EPHA3: variants seen among roughly 807,000 people sequenced by gnomAD.
EPHA3 encodes the protein EPH receptor A3.
EPHA3 carries 42 observed loss-of-function variants against 107.1 expected under a neutral mutation model. The ratio of observed to expected loss-of-function variants is 0.39; its 90% confidence interval spans 0.31 to 0.51. EPHA3 has a LOEUF of 0.51. EPHA3 is among the 20% of genes least tolerant of loss of function. The pLI, the probability that EPHA3 is intolerant of heterozygous loss-of-function variation, is 0.78. For missense variants in EPHA3, 1,183 were observed against 1,211.2 expected, an observed-to-expected ratio of 0.98 and a Z score of 0.35; for synonymous variants, 461 against 424.8, an observed-to-expected ratio of 1.09 and a Z score of -1.05.
chr3:89,312,654 G>A (rs371999846), intron 3 of EPHA3, among the ~76,000 whole-genome samples: 1 of 151,836 alleles, frequency 6.6e-6, no homozygotes, highest in African/African-American at 2.4e-5. Context: ...TATCATGGGA[G>A]TTTGTTGAAC....
intron 3 of EPHA3, among the ~76,000 whole-genome samples, chr3:89,335,031 A>G (rs1707363746): frequency 6.6e-6 from 1 of 152,234 alleles, no homozygotes; most frequent in South Asian, 2.1e-4. Context: ...CATTTATAAA[A>G]TAACCATGAT....
intron 3 of EPHA3, among the ~76,000 whole-genome samples, chr3:89,233,587 G>A (rs1336991007): frequency 6.6e-6 from 1 of 152,160 alleles, no homozygotes; most frequent in African/African-American, 2.4e-5. Context: ...CTGAATTGCT[G>A]TTGGTTTGAA....
intron 15 of EPHA3, among the ~76,000 whole-genome samples, chr3:89,452,038 G>A (rs1469509748): frequency 3.3e-5 from 5 of 151,970 alleles, no homozygotes; most frequent in Admixed American, 3.3e-4. Flanking sequence ...TAAAATCAAT[G>A]CCCCTGAAAT....
intron 2 of EPHA3, among the ~76,000 whole-genome samples, chr3:89,137,236 T>A (rs1488323148): frequency 6.6e-6 from 1 of 151,916 alleles, no homozygotes; most frequent in Non-Finnish European, 1.5e-5. Flanking sequence ...AATGTTCTTT[T>A]GTATGAAGGA....
chr3:89,137,410 A>G (rs1704336472), intron 2 of EPHA3, among the ~76,000 whole-genome samples: 1 of 151,990 alleles, frequency 6.6e-6, no homozygotes, highest in African/African-American at 2.4e-5. Flanking sequence ...TAGGCTTATT[A>G]CACTCTGGTG....
At chr3:89,141,768 T>C (rs1235279405) in intron 2 of EPHA3, among the ~76,000 whole-genome samples, 3 of 151,560 alleles carry the variant, frequency 2.0e-5, no homozygotes, top group Non-Finnish European at 4.4e-5. Flanking sequence ...TAGGTGTGAA[T>C]ATATCTATGT....
At chr3:89,238,479 C>A (rs1413086981) in intron 3 of EPHA3, among the ~76,000 whole-genome samples, 1 of 152,198 alleles carries the variant, frequency 6.6e-6, no homozygotes, top group East Asian at 1.9e-4. Context: ...TATGCCTCTG[C>A]TGTTAGAACC....
chr3:89,151,505 G>A (rs1704689534), intron 2 of EPHA3, among the ~76,000 whole-genome samples: 2 of 152,042 alleles, frequency 1.3e-5, no homozygotes, highest in Non-Finnish European at 2.9e-5. Flanking sequence ...ATTAGAATGA[G>A]AGCTATGACT....
rs747120932 is a variant in EPHA3 at position 89,449,210 on chromosome 3, A to C, written c.2347-15A>C. 1 of 1,597,642 alleles carries C rather than the reference A, an allele frequency of 6.3e-7. No homozygotes were observed. On this transcript the variant is annotated splice_polypyrimidine_tract_variant and intron_variant, in intron 13 of 16. Transcript: ENST00000336596. ...TGCATTGCTGATTTATGTAGACATGATTTTATATTCAAAGGGAGGGAAGAT... is the reference window on the plus strand; with the variant it reads ...TGCATTGCTGATTTATGTAGACATGCTTTTATATTCAAAGGGAGGGAAGAT...
At chr3:89,384,226 G>A (rs1708568747) in intron 5 of EPHA3, among the ~76,000 whole-genome samples, 1 of 151,820 alleles carries the variant, frequency 6.6e-6, no homozygotes, top group Non-Finnish European at 1.5e-5. Flanking sequence ...TAATTTTGTG[G>A]AAACCAGTGA....
At chr3:89,273,241 C>T (rs1189761700) in intron 3 of EPHA3, among the ~76,000 whole-genome samples, 1 of 151,822 alleles carries the variant, frequency 6.6e-6, no homozygotes. Flanking sequence ...TATGGAAATG[C>T]TTGTAAATAC....
chr3:89,373,921 G>A lies in EPHA3; in HGVS notation c.1307-21916G>A, dbSNP rs1051329485. On this transcript the variant is annotated intron_variant, in intron 5 of 16. Coordinates refer to ENST00000336596, the MANE Select transcript of EPHA3 (RefSeq NM_005233.6). ...CTAAGTACTAGAATTTAACTCTAAG[G>A]GTCAAATAGAGTCCATTTGGTCTGA... 2.6e-5 allele frequency among the ~76,000 whole-genome samples: 4 copies of A among 151,674 alleles called. No individual in the cohort carries two copies. In the East Asian group the frequency reaches 7.8e-4, roughly 29 times the overall value.
At chr3:89,200,158 A>G (rs1240167790) in intron 2 of EPHA3, among the ~76,000 whole-genome samples, 1 of 152,230 alleles carries the variant, frequency 6.6e-6, no homozygotes, top group Non-Finnish European at 1.5e-5. Context: ...ACAATATTCA[A>G]TAAACAAAAA....
chr3:89,298,367 G>T (rs528679510), intron 3 of EPHA3, among the ~76,000 whole-genome samples: 2 of 152,218 alleles, frequency 1.3e-5, no homozygotes, highest in African/African-American at 4.8e-5. Flanking sequence ...TAAAACCCAA[G>T]AATTTTCTGA....
At chr3:89,314,975 G>A (rs1188770780) in intron 3 of EPHA3, among the ~76,000 whole-genome samples, 1 of 151,682 alleles carries the variant, frequency 6.6e-6, no homozygotes, top group Non-Finnish European at 1.5e-5. Flanking sequence ...TTGCTCCTAG[G>A]CTACAAATCT....
At position 89,431,853 on chromosome 3, in the gene EPHA3, G is replaced by A. The variant is rs79966033; in HGVS notation, c.2346+494G>A. Among the ~76,000 whole-genome samples, 211 of 152,166 alleles carry A rather than the reference G, an allele frequency of 1.4e-3. 9 individuals carry two copies. The East Asian group carries it at 0.038, about 28-fold the overall frequency. ...ACAGACAACATTTATAAGATTGTGA[G>A]TCAATTCTTACAAATTTTTCTTCAT... On this transcript the variant is annotated intron_variant, in intron 13 of 16. Coordinates refer to ENST00000336596, the MANE Select transcript of EPHA3 (RefSeq NM_005233.6).
At chr3:89,237,608 C>T (rs1704797678) in intron 3 of EPHA3, among the ~76,000 whole-genome samples, 1 of 151,940 alleles carries the variant, frequency 6.6e-6, no homozygotes, top group Non-Finnish European at 1.5e-5. Context: ...CTGTTGATAT[C>T]CAAGAATAAC....
At chr3:89,203,875 C>G (rs557202272) in intron 2 of EPHA3, among the ~76,000 whole-genome samples, 2 of 152,208 alleles carry the variant, frequency 1.3e-5, no homozygotes, top group African/African-American at 4.8e-5. Context: ...TTCTCTCAGT[C>G]TAGGGGTATT....
intron 2 of EPHA3, among the ~76,000 whole-genome samples, chr3:89,129,554 T>A (rs1704158912): frequency 6.6e-6 from 1 of 151,394 alleles, no homozygotes; most frequent in South Asian, 2.1e-4. Flanking sequence ...AAGTTAACCA[T>A]AATATATATA....
Sources: gnomAD v4.1 joint callset for allele counts (sites outside exome capture counted in the v4.1 genomes callset) on GRCh38, gnomAD v4.1.1 for gene constraint, MANE v1.5 for transcripts, NCBI Gene and HGNC (gene_info 2026-07-23, HGNC 2026-07-21) for gene names.